SRFBP1: variants seen among roughly 807,000 people sequenced by gnomAD.
SRFBP1 encodes the protein serum response factor binding protein 1, also known as serum response factor-binding protein 1.
Under a neutral mutation model 45.5 loss-of-function variants are expected in SRFBP1, and 47 were observed. The ratio of observed to expected loss-of-function variants is 1.03; its 90% CI spans 0.82 to 1.32. The LOEUF is 1.32. SRFBP1 is among the 40% of genes most tolerant of loss of function. SRFBP1 has a pLI of 0.00. For synonymous variants in SRFBP1, 203 were observed against 166.3 expected (o/e 1.22, Z -1.70); for missense variants, 621 against 484.6 (o/e 1.28, Z -2.64).
intron 3 of SRFBP1, among the ~76,000 whole-genome samples, chr5:121,983,919 A>T (rs1752467014): frequency 6.6e-6 from 1 of 151,684 alleles, no homozygotes; most frequent in Non-Finnish European, 1.5e-5. Context: ...GCCAGATGGG[A>T]TCTAATTTCT....
chr5:121,962,164 G>A, intron 1 of SRFBP1, 96 bp downstream of exon 1: 2 of 1,505,874 alleles, frequency 1.3e-6, no homozygotes, highest in Non-Finnish European at 1.8e-6. Context: ...GGGTGCGGTT[G>A]GAGGAACTTT....
chr5:121,993,773 A>G (rs1939551193), intron 3 of SRFBP1, among the ~76,000 whole-genome samples: 2 of 152,080 alleles, frequency 1.3e-5, no homozygotes, highest in South Asian at 2.1e-4. Context: ...TTAGACTGAC[A>G]TATCTGTTTA....
chr5:121,987,631 C>G (rs994490625), intron 3 of SRFBP1, among the ~76,000 whole-genome samples: 1 of 152,120 alleles, frequency 6.6e-6, no homozygotes, highest in Non-Finnish European at 1.5e-5. Flanking sequence ...CATTTCTTGG[C>G]ACCTTCTAAT....
chr5:121,973,024 G>T (rs1300800436), intron 1 of SRFBP1, among the ~76,000 whole-genome samples: 2 of 151,906 alleles, frequency 1.3e-5, no homozygotes, highest in South Asian at 2.1e-4. Context: ...GACATGAAGG[G>T]TAAGAGAAGA....
At chr5:122,012,993 T>C (rs890252014) in intron 4 of SRFBP1, among the ~76,000 whole-genome samples, 9 of 152,136 alleles carry the variant, frequency 5.9e-5, no homozygotes, top group South Asian at 2.1e-4. Flanking sequence ...TTTGTGACTT[T>C]AGTCAGGTTA....
intron 3 of SRFBP1, among the ~76,000 whole-genome samples, chr5:121,985,646 G>T (rs980881295): frequency 2.0e-5 from 3 of 151,856 alleles, no homozygotes; most frequent in Non-Finnish European, 4.4e-5. Flanking sequence ...GATATTTAGT[G>T]TAACAATTTA....
intron 4 of SRFBP1, among the ~76,000 whole-genome samples, chr5:121,999,261 C>G (rs1403104351): frequency 6.6e-6 from 1 of 152,012 alleles, no homozygotes; most frequent in African/African-American, 2.4e-5. Context: ...GCTTAATTTC[C>G]AGACCGTTAG....
rs1051207332 is a variant in SRFBP1, at chr5:122,008,115, G to A, written c.271-11145G>A. On this transcript the variant is annotated intron_variant, in intron 4 of 7. Transcript: ENST00000339397. ...CTGGGACCTGACAGGTCTGACAGGG[G>A]CTGACCTAAATGCTGAGACCACAAG... is the stretch of plus-strand genomic sequence containing the variant. Among the ~76,000 whole-genome samples, 4 of 151,808 alleles carry A rather than the reference G, an allele frequency of 2.6e-5. No homozygotes were observed. In the South Asian group the frequency reaches 8.3e-4, roughly 32 times the overall value.
downstream of SRFBP1, among the ~76,000 whole-genome samples, chr5:122,031,214 C>T (rs1249616688): frequency 6.6e-6 from 1 of 152,064 alleles, no homozygotes; most frequent in Admixed American, 6.6e-5. Flanking sequence ...ATAGACTTTA[C>T]AAATATATAG....
Position 122,020,512 on chromosome 5 carries a change from A to G in SRFBP1, c.777A>G (p.Glu259=). The G allele has an allele frequency of 6.2e-7, 1 of 1,614,168 alleles. No individual in the cohort carries two copies. The highest frequency in any genetic ancestry group is 8.5e-7 in the Non-Finnish European group (1 of 1,180,008). The change falls in exon 6 of 8, where the codon GAA becomes GAG. Residue 259 remains glutamate (E), a synonymous_variant. Transcript: ENST00000339397. ...AAGAATTTTGTGAAGAGGAGAAGGA[A>G]TATTTTGATGATAGCACAGAAGAAA... ...GGEEFCEEEK[E]YFDDSTEERF...
chr5:121,970,849 T>C (rs888662945), intron 1 of SRFBP1, among the ~76,000 whole-genome samples: 2 of 152,106 alleles, frequency 1.3e-5, no homozygotes, highest in African/African-American at 4.8e-5. Flanking sequence ...TCACAGAATT[T>C]ATAACCTACT....
At chr5:122,065,019 T>C (rs1754262791) in intron 2 of SRFBP1, 1 of 152,074 alleles carries the variant, frequency 6.6e-6, no homozygotes, top group African/African-American at 2.4e-5. Context: ...GAAAGGATCA[T>C]TCTACAATCT....
chr5:122,035,662 G>A (rs182013353), intron 2 of SRFBP1, among the ~76,000 whole-genome samples: 43 of 152,202 alleles, frequency 2.8e-4, no homozygotes, highest in Admixed American at 8.5e-4. Flanking sequence ...TATATTCTAT[G>A]CCCCAGTTTC....
chr5:122,036,543 A>G (rs1014663194), intron 2 of SRFBP1, among the ~76,000 whole-genome samples: 1 of 152,128 alleles, frequency 6.6e-6, no homozygotes, highest in African/African-American at 2.4e-5. Flanking sequence ...TATGTTAACA[A>G]TGTGATTTAT....
chr5:122,037,326 G>T (rs1214404564), intron 2 of SRFBP1, among the ~76,000 whole-genome samples: 2 of 152,132 alleles, frequency 1.3e-5, no homozygotes, highest in Non-Finnish European at 2.9e-5. Context: ...AAAATTATTT[G>T]TCTCTAATCC....
At chr5:122,077,516 AG>A, downstream of SRFBP1, 1 of 1,613,784 alleles carries the variant, frequency 6.2e-7, no homozygotes, top group Non-Finnish European at 8.5e-7. The surrounding 1 kb of genome is among the most constrained non-coding windows in gnomAD (Gnocchi z 4.9). Flanking sequence ...GGGCGGCCGC[AG>A]GTTACTGAGC....
chr5:122,021,222 T>C (rs768164490), intron 6 of SRFBP1, among the ~76,000 whole-genome samples: 2 of 152,234 alleles, frequency 1.3e-5, no homozygotes, highest in Non-Finnish European at 2.9e-5. Context: ...CTAGTACCAT[T>C]TCAGTATATA....
Position 122,020,137 on chromosome 5 carries a change from G to C in SRFBP1, c.402G>C (p.Glu134Asp). Residue 134 changes from glutamate to aspartate, a missense_variant, in exon 6 of 8, where the codon GAG (glutamate) becomes GAC (aspartate). Physicochemically the swap from Glu to Asp is conservative, Grantham distance 45. Coordinates refer to ENST00000339397, the MANE Select transcript of SRFBP1 (RefSeq NM_152546.3). ...CAAGACAAAATGTTGCTGAAGTTGA[G>C]TCATCAAAGAATGCTTCAGAGGACA... Reference protein sequence around the residue: ...KEARQNVAEVESSKNASEDNH... With the variant: ...KEARQNVAEVDSSKNASEDNH... The C allele has an allele frequency of 6.3e-7, 1 of 1,590,962 alleles. No individual in the cohort carries two copies. The highest frequency in any genetic ancestry group is 1.2e-5 in the South Asian group (1 of 86,446).
intron 2 of SRFBP1, among the ~76,000 whole-genome samples, chr5:122,046,509 G>T (rs866819150): frequency 6.6e-6 from 1 of 152,084 alleles, no homozygotes; most frequent in Non-Finnish European, 1.5e-5. Context: ...ATAAACATAC[G>T]TGTGCATGTG....
Sources: allele counts gnomAD v4.1 joint callset (sites outside exome capture counted in the v4.1 genomes callset), GRCh38; gene constraint gnomAD v4.1.1; non-coding constraint Gnocchi (gnomAD v3.1); transcripts MANE v1.5; gene names NCBI Gene and HGNC (gene_info 2026-07-23, HGNC 2026-07-21).